The following MCTP2 variants were observed in gnomAD, a reference collection of about 807,000 sequenced individuals.
The protein encoded by MCTP2 is multiple C2 and transmembrane domain containing 2.
MCTP2 carries 132 observed loss-of-function variants against 111.6 expected under a neutral mutation model. The ratio of observed to expected loss-of-function variants is 1.18; its 90% CI spans 1.03 to 1.37. MCTP2 has a LOEUF of 1.37. Ranked by LOEUF, MCTP2 falls within the 40% of genes most tolerant of loss-of-function variation. The probability of loss-of-function intolerance (pLI) is 0.00; values close to 1 mark genes in which losing one functional copy is unlikely to be tolerated. For synonymous variants in MCTP2, 395 were observed against 387.7 expected (o/e 1.02, Z -0.22); for missense variants, 1,183 against 1,067.9 (o/e 1.11, Z -1.50).
At chr15:94,324,728 G>A (rs1463980718) in intron 4 of MCTP2, among the ~76,000 whole-genome samples, 2 of 152,050 alleles carry the variant, frequency 1.3e-5, no homozygotes, top group African/African-American at 2.4e-5. Context: ...AAGATCTCTC[G>A]ATACTGTGAG....
chr15:94,437,987 GA>G (rs1261654392), intron 17 of MCTP2, among the ~76,000 whole-genome samples: 1 of 151,838 alleles, frequency 6.6e-6, no homozygotes, highest in Non-Finnish European at 1.5e-5. Context: ...ACAGAATAAA[GA>G]TCATACACAG....
rs181396397 is a variant in MCTP2 at position 94,348,965 on chromosome 15, C to A, written c.1005+3801C>A. On this transcript the variant is annotated intron_variant, in intron 8 of 22. Coordinates refer to ENST00000357742, the MANE Select transcript of MCTP2 (RefSeq NM_001385001.1). Reference sequence around the variant, plus strand: ...ATTTATCTATGTGCTTATTGTACACCTACCTCTATCTGCTTGTCTGTTTTC... The same window carrying A: ...ATTTATCTATGTGCTTATTGTACACATACCTCTATCTGCTTGTCTGTTTTC... Among the ~76,000 whole-genome samples the A allele has an allele frequency of 5.9e-5, 9 of 152,094 alleles. No homozygotes were observed. The East Asian group carries it at 1.8e-3, about 30-fold the overall frequency.
At chr15:94,377,762 T>G (rs1170406413) in intron 12 of MCTP2, among the ~76,000 whole-genome samples, 2 of 152,124 alleles carry the variant, frequency 1.3e-5, no homozygotes, top group Non-Finnish European at 2.9e-5. Context: ...AACGTGGTGT[T>G]AATTCTTATG....
At chr15:94,434,857 C>CTT (rs751539621) in intron 17 of MCTP2, among the ~76,000 whole-genome samples, 2,430 of 139,070 alleles carry the variant, frequency 0.017, 71 homozygotes, top group African/African-American at 0.062. Context: ...TTCTTTCTTT[C>CTT]TTTTTTTTTT....
intron 14 of MCTP2, among the ~76,000 whole-genome samples, chr15:94,390,090 GTATATA>G (rs1168909587): frequency 0.014 from 907 of 64,906 alleles, 52 homozygotes; most frequent in African/African-American, 0.035. Context: ...ATATATATAT[GTATATA>G]TATATATATA....
chr15:94,464,257 T>TATATATTATATATATATATTATATA (rs4001978), intron 20 of MCTP2, among the ~76,000 whole-genome samples: 1 of 44,968 alleles, frequency 2.2e-5, no homozygotes, highest in African/African-American at 6.0e-5. Context: ...TATATATATA[T>TATATATTATATATATATATTATATA]TATATATATA....
At chr15:94,362,935 A>G (rs2079011296) in intron 10 of MCTP2, among the ~76,000 whole-genome samples, 1 of 152,136 alleles carries the variant, frequency 6.6e-6, no homozygotes, top group African/African-American at 2.4e-5. Flanking sequence ...TGGCTTTAAT[A>G]TATGCCTTTT....
intron 1 of MCTP2, among the ~76,000 whole-genome samples, chr15:94,254,937 T>C (rs2072670580): frequency 6.6e-6 from 1 of 152,198 alleles, no homozygotes; most frequent in African/African-American, 2.4e-5. Flanking sequence ...TTTTCAGATG[T>C]GTTTCTTTTT....
chr15:94,377,695 T>C (rs960505723), intron 12 of MCTP2, among the ~76,000 whole-genome samples: 24 of 152,200 alleles, frequency 1.6e-4, no homozygotes, highest in Non-Finnish European at 1.0e-4. Flanking sequence ...CCTGACCTCA[T>C]GTGAAGTGAC....
intron 1 of MCTP2, among the ~76,000 whole-genome samples, chr15:94,251,408 G>T (rs1276405330): frequency 6.6e-6 from 1 of 151,564 alleles, no homozygotes; most frequent in Non-Finnish European, 1.5e-5. Context: ...GCCCAGGCTG[G>T]AGTGCAGTGG....
chr15:94,331,503 G>C (rs1414516718), intron 4 of MCTP2, among the ~76,000 whole-genome samples: 2 of 152,130 alleles, frequency 1.3e-5, no homozygotes, highest in East Asian at 1.9e-4. Flanking sequence ...AAGTTCAGGG[G>C]GGCTGTGGTG....
chr15:94,261,659 A>T (rs1307491035), intron 1 of MCTP2, among the ~76,000 whole-genome samples: 6 of 152,194 alleles, frequency 3.9e-5, no homozygotes, highest in Non-Finnish European at 8.8e-5. Context: ...AAAACCAGGC[A>T]TATGTAGTTG....
At chr15:94,388,464 A>G (rs1277023094) in intron 14 of MCTP2, among the ~76,000 whole-genome samples, 1 of 152,188 alleles carries the variant, frequency 6.6e-6, no homozygotes, top group African/African-American at 2.4e-5. Context: ...AAATGAATTG[A>G]TTCTCTATCT....
At chr15:94,267,367 G>A (rs1263599698) in intron 1 of MCTP2, among the ~76,000 whole-genome samples, 2 of 152,098 alleles carry the variant, frequency 1.3e-5, no homozygotes, top group South Asian at 4.1e-4. Context: ...TAAGCGTTAT[G>A]CTATGTTGTT....
chr15:94,374,073 A>G (rs2079626069), intron 12 of MCTP2, among the ~76,000 whole-genome samples: 1 of 152,222 alleles, frequency 6.6e-6, no homozygotes, highest in African/African-American at 2.4e-5. Flanking sequence ...ATTCTGGACA[A>G]TGCTGAGAAA....
chr15:94,239,109 T>C (rs1308523206), intron 1 of MCTP2, among the ~76,000 whole-genome samples: 2 of 152,116 alleles, frequency 1.3e-5, no homozygotes, highest in East Asian at 3.8e-4. Context: ...AATGCTTACT[T>C]TTTTTAAGGT....
intron 17 of MCTP2, among the ~76,000 whole-genome samples, chr15:94,406,876 T>A (rs1266966061): frequency 6.7e-6 from 1 of 149,640 alleles, no homozygotes; most frequent in Non-Finnish European, 1.5e-5. Context: ...TTTTTTTTTT[T>A]AAGTATTCCA....
intron 8 of MCTP2, among the ~76,000 whole-genome samples, chr15:94,355,108 C>T (rs778007894): frequency 4.5e-4 from 69 of 152,210 alleles, no homozygotes; most frequent in Non-Finnish European, 7.2e-4. Context: ...GACAAACTAG[C>T]CATAAAAAGG....
At chr15:94,285,624 T>C (rs1387340946) in intron 1 of MCTP2, among the ~76,000 whole-genome samples, 1 of 152,222 alleles carries the variant, frequency 6.6e-6, no homozygotes, top group Non-Finnish European at 1.5e-5. Context: ...TAACTGTAAA[T>C]ATCTCATCAG....
Sources: gnomAD v4.1 joint callset for allele counts (sites outside exome capture counted in the v4.1 genomes callset) on GRCh38, gnomAD v4.1.1 for gene constraint, MANE v1.5 for transcripts, NCBI Gene and HGNC (gene_info 2026-07-23, HGNC 2026-07-21) for gene names.